CLIP1: variants seen among roughly 807,000 people sequenced by gnomAD.
CLIP1 encodes the protein CAP-Gly domain containing linker protein 1, also known as CAP-Gly domain-containing linker protein 1.
A neutral mutation model predicts 161.6 loss-of-function variants in CLIP1; 66 were observed. The observed-to-expected ratio is 0.41, with a 90% CI of 0.33 to 0.50. The LOEUF is 0.50. Ranked by LOEUF, CLIP1 falls within the 20% of genes least tolerant of loss-of-function variation. CLIP1 has a pLI of 0.27. For missense variants in CLIP1, 1,376 were observed against 1,702.0 expected, an observed-to-expected ratio of 0.81 and a Z score of 3.37; for synonymous variants, 598 against 626.2, an observed-to-expected ratio of 0.96 and a Z score of 0.67.
At position 122,272,763 on chromosome 12, in the gene CLIP1, C is replaced by CG. The variant is rs1294183075; in HGVS notation, c.*111dup. ...CAAAATATTTTCCTAGATTTGTTGA[C>CG]GGGGTTAAAAAATAACATGAGTTCT... On this transcript the variant is annotated 3_prime_UTR_variant, in exon 26 of 26. Transcript: ENST00000620786. The CG allele has an allele frequency of 6.8e-6, 6 of 879,876 alleles. No individual in the cohort carries two copies. Among genetic ancestry groups the CG allele is most frequent in the Non-Finnish European group, 1.1e-5 (6 of 548,316 alleles). 54.5% of individuals were successfully genotyped at this position (879,876 alleles called of 1,614,324 possible).
intron 10 of CLIP1, among the ~76,000 whole-genome samples, chr12:122,347,137 T>G (rs1054775385): frequency 6.6e-6 from 1 of 152,220 alleles, no homozygotes; most frequent in Non-Finnish European, 1.5e-5. Context: ...GTTGTAAAGT[T>G]TCTGATCCTG....
intron 3 of CLIP1, among the ~76,000 whole-genome samples, chr12:122,364,433 T>C (rs921172520): frequency 4.0e-5 from 6 of 150,714 alleles, no homozygotes; most frequent in African/African-American, 1.5e-4. Context: ...AGACAGGGTC[T>C]CACTCTGTCA....
At chr12:122,307,759 A>C (rs1197135532) in intron 20 of CLIP1, among the ~76,000 whole-genome samples, 1 of 152,226 alleles carries the variant, frequency 6.6e-6, no homozygotes, top group Non-Finnish European at 1.5e-5. Context: ...AGTTACTTTA[A>C]ACGGGTGGCT....
intron 5 of CLIP1, among the ~76,000 whole-genome samples, chr12:122,360,410 C>CAAAAAAAAAA (rs34294939): frequency 1.1e-5 from 1 of 87,362 alleles, no homozygotes; most frequent in Non-Finnish European, 2.3e-5. Flanking sequence ...CCTCTCTCTA[C>CAAAAAAAAAA]AAAAAAAAAA....
At chr12:122,295,486 T>C (rs1449830429) in intron 20 of CLIP1, among the ~76,000 whole-genome samples, 1 of 152,250 alleles carries the variant, frequency 6.6e-6, no homozygotes, top group African/African-American at 2.4e-5. Context: ...GTTTGAAATA[T>C]TTCACCTTTT....
chr12:122,365,956 CCA>C (rs1240816854), intron 3 of CLIP1, among the ~76,000 whole-genome samples: 1 of 151,926 alleles, frequency 6.6e-6, no homozygotes, highest in Non-Finnish European at 1.5e-5. Flanking sequence ...CTGCAGTGAG[CCA>C]CAGTTGTACC....
intron 17 of CLIP1, among the ~76,000 whole-genome samples, chr12:122,326,292 T>C (rs1951708764): frequency 6.6e-6 from 1 of 150,488 alleles, no homozygotes; most frequent in Admixed American, 6.6e-5. Flanking sequence ...TCCCAGCACC[T>C]TGTGAGACTG....
intron 1 of CLIP1, among the ~76,000 whole-genome samples, chr12:122,389,609 A>G (rs1218050690): frequency 1.3e-5 from 2 of 151,954 alleles, no homozygotes; most frequent in Non-Finnish European, 2.9e-5. Flanking sequence ...ACATACAAAA[A>G]TTAGCCGGGC....
At chr12:122,354,357 T>C in intron 7 of CLIP1, 96 bp downstream of exon 7, 1 of 824,376 alleles carries the variant, frequency 1.2e-6, no homozygotes, top group East Asian at 2.8e-5. Context: ...ATTGCACCAC[T>C]GCACTGCAGC....
chr12:122,312,922 C>G (rs983694961), intron 19 of CLIP1, among the ~76,000 whole-genome samples: 3 of 152,184 alleles, frequency 2.0e-5, no homozygotes, highest in African/African-American at 7.2e-5. Flanking sequence ...CATTCTCCAG[C>G]TTTGAGCTCT....
chr12:122,279,706 T>C lies in CLIP1; in HGVS notation c.3648-561A>G, dbSNP rs1003695962. 6.6e-6 allele frequency: 1 copy of C among 152,212 alleles called. No individual in the cohort carries two copies. Among genetic ancestry groups the C allele is most frequent in the African/African-American group, 2.4e-5 (1 of 41,442 alleles). The allele number at this position is 152,212 out of a possible 1,614,324, so 9.4% of individuals were successfully genotyped here. A position where few individuals can be genotyped will look rare whatever the true frequency, so the allele number is the denominator to read the frequency against. On this transcript the variant is annotated intron_variant, in intron 21 of 25. Transcript: ENST00000620786. The surrounding 1 kb of genome is among the most constrained non-coding windows in gnomAD (Gnocchi z 4.5). ...CAGTAGTAAAGATTATTATTATTACTCAAACTGAAGGATTATTACTTTCCA... is the reference window on the plus strand; with the variant it reads ...CAGTAGTAAAGATTATTATTATTACCCAAACTGAAGGATTATTACTTTCCA...
chr12:122,335,174 A>T (rs543685593), intron 12 of CLIP1, among the ~76,000 whole-genome samples: 3 of 152,344 alleles, frequency 2.0e-5, no homozygotes, highest in Admixed American at 1.3e-4. Context: ...AAGGCCCATA[A>T]GTCACTTACA....
At chr12:122,410,222 G>A (rs939981873) in intron 1 of CLIP1, among the ~76,000 whole-genome samples, 2 of 151,974 alleles carry the variant, frequency 1.3e-5, no homozygotes, top group Non-Finnish European at 2.9e-5. Flanking sequence ...GTTTCCTCGA[G>A]AGCAGGACAC....
chr12:122,316,953 T>C, intron 18 of CLIP1, 98 bp from the exon 19 acceptor site: 1 of 751,462 alleles, frequency 1.3e-6, no homozygotes, highest in South Asian at 2.2e-5. Flanking sequence ...AAAAGACAGA[T>C]GAAATTAGTC....
chr12:122,272,985 G>A lies in CLIP1; in HGVS notation c.4207C>T (p.Pro1403Ser). Residue 1403 changes from proline to serine, a missense_variant, in exon 26 of 26, where the codon CCT becomes TCT. Coordinates refer to ENST00000620786, the MANE Select transcript of CLIP1 (RefSeq NM_001247997.2). ...CTGCCATGGTGTGTGGAATGGGGAG[G>A]GTCCTCTGACATCTGTGCCTGGGTA... ...CPTQAQMSED[P>S]PHSTHHGSRG... 2 of 1,614,154 alleles carry A rather than the reference G, an allele frequency of 1.2e-6. No individual in the cohort carries two copies. Among genetic ancestry groups the A allele is most frequent in the South Asian group, 1.1e-5 (1 of 91,082 alleles).
In CLIP1 at chr12:122,341,762, C is replaced by CCTTTTTTTTTTTTTTTTTTTT. The variant is rs1566143047; in HGVS notation, c.1507-66_1507-65insAAAAAAAAAAAAAAAAAAAAG. The stretch of plus-strand genomic sequence containing the variant: ...AACAAGTCATTGACTATTTTCTTTT[C>CCTTTTTTTTTTTTTTTTTTTT]TTTTTTTTTTTTTTTTTTTTTTTTT... On this transcript the variant is annotated intron_variant, in intron 10 of 25. Coordinates refer to ENST00000620786, the MANE Select transcript of CLIP1 (RefSeq NM_001247997.2). 4 of 96,018 alleles carry CCTTTTTTTTTTTTTTTTTTTT rather than the reference C, an allele frequency of 4.2e-5. 1 individual carries two copies. Among genetic ancestry groups the CCTTTTTTTTTTTTTTTTTTTT allele is most frequent in the Admixed American group, 2.2e-4 (1 of 4,514 alleles). The allele number at this position is 96,018 out of a possible 1,614,324, so 5.9% of individuals were successfully genotyped here. A position where few individuals can be genotyped will look rare whatever the true frequency, so the allele number is the denominator to read the frequency against.
At chr12:122,417,352 G>A (rs1338836167) in intron 1 of CLIP1, among the ~76,000 whole-genome samples, 1 of 151,900 alleles carries the variant, frequency 6.6e-6, no homozygotes. Flanking sequence ...ACACCTCCTA[G>A]CTACTTGGGA....
rs58010238 is a variant in CLIP1, at chr12:122,326,363, G to T, written c.3249+1584C>A. The stretch of plus-strand genomic sequence containing the variant: ...CCTTGTGAGACTGGCCAGGAATGGT[G>T]GCTCACGCCTGCAACCCCAGCGCCT... On this transcript the variant is annotated intron_variant, in intron 17 of 25. Coordinates refer to ENST00000620786, the MANE Select transcript of CLIP1 (RefSeq NM_001247997.2). Among the ~76,000 whole-genome samples the T allele has an allele frequency of 7.8e-3, 1,181 of 151,956 alleles. 25 individuals are homozygous for T. The highest frequency in any genetic ancestry group is 0.022 in the African/African-American group (898 of 41,438).
chr12:122,272,908 C>A lies in CLIP1; in HGVS notation c.4284G>T (p.Trp1428Cys). 1 of 1,614,132 alleles carries A rather than the reference C, an allele frequency of 6.2e-7. No individual in the cohort carries two copies. The highest frequency in any genetic ancestry group is 8.5e-7 in the Non-Finnish European group (1 of 1,180,022). The change falls in exon 26 of 26, where the codon TGG becomes TGT. Residue 1428 changes from tryptophan to cysteine, a missense_variant. By Grantham distance (215) the Trp-to-Cys change is radical. Transcript: ENST00000620786. ...TTTCGTCGTCATTGCAGTTGGTGGC[C>A]CAGTGTCCAAACATCTCACAGATTT... ...YCEICEMFGH[W>C]ATNCNDDETF
Sources: gnomAD v4.1 joint callset for allele counts (sites outside exome capture counted in the v4.1 genomes callset) on GRCh38, gnomAD v4.1.1 for gene constraint, Gnocchi (gnomAD v3.1) non-coding constraint, MANE v1.5 for transcripts, NCBI Gene and HGNC (gene_info 2026-07-23, HGNC 2026-07-21) for gene names.